KAZN: variants seen among roughly 807,000 people sequenced by gnomAD.
KAZN encodes kazrin, periplakin interacting protein.
KAZN carries 40 observed loss-of-function variants against 87.4 expected under a neutral mutation model. That is an observed-to-expected ratio of 0.46 (90% CI 0.36 to 0.60). KAZN has a LOEUF of 0.60. Among genes scored for constraint, KAZN ranks in the 20% least tolerant of loss-of-function variants. KAZN has a pLI of 0.00. For missense variants in KAZN, 898 were observed against 1,073.9 expected, an observed-to-expected ratio of 0.84 and a Z score of 2.29; for synonymous variants, 466 against 458.3, an observed-to-expected ratio of 1.02 and a Z score of -0.22.
intron 1 of KAZN, among the ~76,000 whole-genome samples, chr1:14,606,073 G>A (rs1012762119): frequency 3.3e-5 from 5 of 152,218 alleles, no homozygotes; most frequent in African/African-American, 1.2e-4. Flanking sequence ...TTGCCAAAGG[G>A]CATATGGTCA....
chr1:14,388,252 G>C (rs902289327), intron 2 of KAZN, among the ~76,000 whole-genome samples: 3 of 152,152 alleles, frequency 2.0e-5, no homozygotes, highest in African/African-American at 7.2e-5. Flanking sequence ...ACCTCAGATG[G>C]AAATGCAGAA....
chr1:14,763,513 C>G (rs1377541790), intron 1 of KAZN, among the ~76,000 whole-genome samples: 1 of 152,172 alleles, frequency 6.6e-6, no homozygotes, highest in Non-Finnish European at 1.5e-5. Flanking sequence ...GCGTTGCCAC[C>G]CCTGCCTCCC....
chr1:14,055,507 CT>C (rs1429023942), intron 1 of KAZN, among the ~76,000 whole-genome samples: 1 of 152,198 alleles, frequency 6.6e-6, no homozygotes, highest in African/African-American at 2.4e-5. Flanking sequence ...AGCCAGAAAT[CT>C]TTCCCCTGAG....
At chr1:14,567,855 C>T (rs1352355191) in intron 2 of KAZN, among the ~76,000 whole-genome samples, 2 of 152,146 alleles carry the variant, frequency 1.3e-5, no homozygotes, top group Non-Finnish European at 2.9e-5. Context: ...CTTTTACTCC[C>T]CCATTTTACT....
chr1:14,542,463 G>A (rs781523668), intron 2 of KAZN, among the ~76,000 whole-genome samples: 1 of 152,036 alleles, frequency 6.6e-6, no homozygotes, highest in Non-Finnish European at 1.5e-5. Flanking sequence ...AAAAGAACTA[G>A]GGTATAACAA....
At chr1:14,481,593 T>A (rs547101411) in intron 2 of KAZN, among the ~76,000 whole-genome samples, 19 of 152,222 alleles carry the variant, frequency 1.2e-4, no homozygotes, top group African/African-American at 4.6e-4. Flanking sequence ...AGGAAAGTAA[T>A]CTTGCCTGGG....
intron 1 of KAZN, among the ~76,000 whole-genome samples, chr1:14,954,145 C>A (rs1030739073): frequency 1.3e-5 from 2 of 152,212 alleles, no homozygotes; most frequent in Admixed American, 1.3e-4. Context: ...CATTATCCCC[C>A]CTGAGGGCAG....
intron 1 of KAZN, among the ~76,000 whole-genome samples, chr1:14,662,841 C>T (rs1639270224): frequency 6.7e-6 from 1 of 148,182 alleles, no homozygotes; most frequent in Non-Finnish European, 1.5e-5. Flanking sequence ...CAAGTACTAA[C>T]CTGAGTGCTT....
At chr1:13,920,534 A>C (rs1040470781) in intron 1 of KAZN, among the ~76,000 whole-genome samples, 2 of 152,226 alleles carry the variant, frequency 1.3e-5, no homozygotes, top group Non-Finnish European at 2.9e-5. Context: ...GAAACATGAA[A>C]AGTGGCTCAA....
chr1:14,511,112 T>TG (rs60364401), intron 2 of KAZN, among the ~76,000 whole-genome samples: 61,338 of 146,246 alleles, frequency 0.42, 13,329 homozygotes, highest in East Asian at 0.76. Flanking sequence ...CTGCGGGGGG[T>TG]GGGAGGGTGG....
chr1:13,912,113 T>TA (rs1639673998), intron 1 of KAZN, among the ~76,000 whole-genome samples: 1 of 152,110 alleles, frequency 6.6e-6, no homozygotes. Flanking sequence ...GTGCTTGGAG[T>TA]AACACAAAGA....
chr1:14,393,076 A>C (rs1662592416), intron 2 of KAZN, among the ~76,000 whole-genome samples: 1 of 152,196 alleles, frequency 6.6e-6, no homozygotes, highest in Admixed American at 6.5e-5. Flanking sequence ...TCATTTGTGC[A>C]AACTTGAATA....
intron 1 of KAZN, among the ~76,000 whole-genome samples, chr1:14,084,002 A>G (rs1027156587): frequency 3.3e-5 from 5 of 152,166 alleles, no homozygotes; most frequent in African/African-American, 9.7e-5. Context: ...TCAAATAATC[A>G]CACACAGATT....
chr1:14,992,631 C>T (rs1438235863), intron 2 of KAZN, among the ~76,000 whole-genome samples: 1 of 152,044 alleles, frequency 6.6e-6, no homozygotes, highest in South Asian at 2.1e-4. Context: ...TATCTGGGAG[C>T]CTTTATTGTT....
intron 1 of KAZN, among the ~76,000 whole-genome samples, chr1:14,960,076 T>C (rs16851068): frequency 0.082 from 12,538 of 152,244 alleles, 1,478 homozygotes; most frequent in African/African-American, 0.26. Flanking sequence ...AAGTTCTGTT[T>C]GTACACAGTG....
chr1:14,579,186 C>A (rs984582417), intron 2 of KAZN, among the ~76,000 whole-genome samples: 3 of 152,278 alleles, frequency 2.0e-5, no homozygotes, highest in African/African-American at 7.2e-5. Context: ...TTCTTGAAAT[C>A]TCAGCTTATA....
At chr1:14,585,052 A>T (rs533047382) in intron 2 of KAZN, among the ~76,000 whole-genome samples, 6 of 152,342 alleles carry the variant, frequency 3.9e-5, no homozygotes, top group African/African-American at 1.4e-4. Context: ...GGACACAGAC[A>T]TGCACAAAGG....
At chr1:14,993,201 C>T (rs1667524459) in intron 2 of KAZN, among the ~76,000 whole-genome samples, 1 of 150,374 alleles carries the variant, frequency 6.7e-6, no homozygotes, top group African/African-American at 2.4e-5. Context: ...GGCGCGGTGG[C>T]TCACGCCTGT....
At chr1:14,240,700 T>G (rs1034206086) in intron 2 of KAZN, among the ~76,000 whole-genome samples, 1 of 152,194 alleles carries the variant, frequency 6.6e-6, no homozygotes, top group Non-Finnish European at 1.5e-5. Context: ...TCTTGGGCCT[T>G]TTGTCCAAAT....
Sources: allele counts gnomAD v4.1 joint callset (sites outside exome capture counted in the v4.1 genomes callset), GRCh38; gene constraint gnomAD v4.1.1; transcripts MANE v1.5; gene names NCBI Gene and HGNC (gene_info 2026-07-23, HGNC 2026-07-21).